Variants in GARIN5A observed in about 807,000 individuals in gnomAD.
GARIN5A encodes the protein Golgi-associated RAB2 interactor protein 5A.
chr19:50,476,658 G>A, the GARIN5A span: 27 of 1,520,074 alleles, frequency 1.8e-5, no homozygotes, highest in Admixed American at 4.1e-5. Flanking sequence ...GTGCGCGAGG[G>A]GTGAGTGCTC....
chr19:50,475,965 G>A, the GARIN5A span: 1 of 1,607,378 alleles, frequency 6.2e-7, no homozygotes, highest in Non-Finnish European at 8.5e-7. Flanking sequence ...CCAGGACGAA[G>A]TCTGGGGGTC....
chr19:50,472,054 ACG>A, the GARIN5A span, among the ~76,000 whole-genome samples: 50 of 140,306 alleles, frequency 3.6e-4, 2 homozygotes, highest in African/African-American at 1.5e-3. Flanking sequence ...ATGTATATAT[ACG>A]TGTGTGTATA....
chr19:50,472,010 A>G, the GARIN5A span, among the ~76,000 whole-genome samples: 147 of 149,510 alleles, frequency 9.8e-4, 1 homozygote, highest in Admixed American at 3.0e-3. Flanking sequence ...GTATGTATAT[A>G]TACGTGTGTA....
the GARIN5A span, among the ~76,000 whole-genome samples, chr19:50,471,648 G>A: frequency 8.1e-6 from 1 of 123,574 alleles, no homozygotes; most frequent in African/African-American, 3.2e-5. Flanking sequence ...GTGTATATAC[G>A]CATACATGCA....
the GARIN5A span, among the ~76,000 whole-genome samples, chr19:50,474,075 A>T: frequency 1.3e-5 from 2 of 152,168 alleles, no homozygotes; most frequent in African/African-American, 2.4e-5. Flanking sequence ...TTGGGGCAGG[A>T]GCCTTGGGTG....
the GARIN5A span, among the ~76,000 whole-genome samples, chr19:50,472,122 A>ATATACGTGTGTATATGTATG: frequency 4.4e-4 from 59 of 133,452 alleles, no homozygotes; most frequent in African/African-American, 7.1e-4. Flanking sequence ...GTATATGTAT[A>ATATACGTGTGTATATGTATG]TATACGTGTG....
At chr19:50,474,234 C>T in the GARIN5A span, among the ~76,000 whole-genome samples, 27 of 151,010 alleles carry the variant, frequency 1.8e-4, no homozygotes, top group Non-Finnish European at 3.7e-4. Context: ...GGTTGGAGTG[C>T]AGTGGGATGA....
chr19:50,476,607 G>C, the GARIN5A span: 17 of 1,561,056 alleles, frequency 1.1e-5, no homozygotes, highest in East Asian at 3.8e-4. Flanking sequence ...CGGTAGCAGC[G>C]CCCAGTCGAG....
the GARIN5A span, chr19:50,475,994 C>G: frequency 6.2e-7 from 1 of 1,603,312 alleles, no homozygotes; most frequent in African/African-American, 1.3e-5. Context: ...GAGGCTGTGC[C>G]TGGCTTCCCA....
At chr19:50,467,603 C>T in the GARIN5A span, 2 of 1,551,144 alleles carry the variant, frequency 1.3e-6, no homozygotes, top group African/African-American at 2.7e-5. Context: ...TCACCCTCCC[C>T]ATCTACATCC....
chr19:50,474,789 C>T, the GARIN5A span, among the ~76,000 whole-genome samples: 2 of 152,104 alleles, frequency 1.3e-5, no homozygotes, highest in Admixed American at 1.3e-4. Flanking sequence ...ACCCGATCTG[C>T]ATTACTTTTT....
At chr19:50,471,929 T>C in the GARIN5A span, among the ~76,000 whole-genome samples, 1 of 150,984 alleles carries the variant, frequency 6.6e-6, no homozygotes, top group East Asian at 1.9e-4. Flanking sequence ...TGTATATACA[T>C]GTATGTGTGT....
chr19:50,472,000 GTA>G, the GARIN5A span, among the ~76,000 whole-genome samples: 12 of 149,978 alleles, frequency 8.0e-5, no homozygotes, highest in Non-Finnish European at 1.3e-4. Flanking sequence ...ATATATACGT[GTA>G]TGTATATATA....
the GARIN5A span, chr19:50,467,541 C>G: frequency 6.7e-7 from 1 of 1,485,442 alleles, no homozygotes; most frequent in South Asian, 1.2e-5. Flanking sequence ...CACTGCGCTT[C>G]CCCCCTCTCC....
At chr19:50,472,299 G>A in the GARIN5A span, among the ~76,000 whole-genome samples, 1 of 148,090 alleles carries the variant, frequency 6.8e-6, no homozygotes. Flanking sequence ...GTGTATATAT[G>A]TATATATACA....
the GARIN5A span, among the ~76,000 whole-genome samples, chr19:50,474,468 C>T: frequency 6.6e-6 from 1 of 152,012 alleles, no homozygotes; most frequent in Non-Finnish European, 1.5e-5. Flanking sequence ...GCCTCAGCCT[C>T]CCGAGTAGCT....
At chr19:50,474,673 G>C in the GARIN5A span, among the ~76,000 whole-genome samples, 4 of 151,968 alleles carry the variant, frequency 2.6e-5, no homozygotes, top group Admixed American at 1.3e-4. Flanking sequence ...TTCTGGTAGA[G>C]ACAGGGTTTT....
chr19:50,472,192 A>G, the GARIN5A span, among the ~76,000 whole-genome samples: 18 of 107,068 alleles, frequency 1.7e-4, no homozygotes, highest in East Asian at 6.9e-4. Flanking sequence ...GTATACATGT[A>G]TGTGTGCATG....
chr19:50,471,671 C>CGCATACATGCACGTGTGTGTATAT, the GARIN5A span, among the ~76,000 whole-genome samples: 2 of 150,104 alleles, frequency 1.3e-5, no homozygotes, highest in Non-Finnish European at 3.0e-5. Context: ...TGTGTGTATA[C>CGCATACATGCACGTGTGTGTATAT]GCATACATGC....
Sources: gnomAD v4.1 joint callset for allele counts (sites outside exome capture counted in the v4.1 genomes callset) on GRCh38, gnomAD v4.1.1 for gene constraint, MANE v1.5 for transcripts, NCBI Gene and HGNC (gene_info 2026-07-23, HGNC 2026-07-21) for gene names.